BTBD9: variants seen among roughly 807,000 people sequenced by gnomAD.
BTBD9 encodes the protein BTB domain containing 9, also known as BTB/POZ domain-containing protein 9.
Under a neutral mutation model 64.3 loss-of-function variants are expected in BTBD9, and 49 were observed. The ratio of observed to expected loss-of-function variants is 0.76; its 90% CI spans 0.61 to 0.97. The LOEUF (loss-of-function observed/expected upper bound fraction) is 0.97, where lower values mean the gene tolerates loss of function less well. BTBD9 is among the 50% of genes least tolerant of loss of function. The probability of loss-of-function intolerance (pLI) is 0.00; values close to 1 mark genes in which losing one functional copy is unlikely to be tolerated. For synonymous variants in BTBD9, 260 were observed against 274.7 expected, an observed-to-expected ratio of 0.95 and a Z score of 0.53; for missense variants, 598 against 762.1, an observed-to-expected ratio of 0.78 and a Z score of 2.53.
intron 1 of BTBD9, among the ~76,000 whole-genome samples, chr6:38,598,581 A>G (rs1777138138): frequency 6.6e-6 from 1 of 152,180 alleles, no homozygotes; most frequent in African/African-American, 2.4e-5. Context: ...GATTTCAAAT[A>G]AGAAGTTTTG....
At chr6:38,310,882 C>T (rs1330330526) in intron 7 of BTBD9, among the ~76,000 whole-genome samples, 2 of 152,214 alleles carry the variant, frequency 1.3e-5, no homozygotes, top group South Asian at 2.1e-4. Flanking sequence ...GTGATCTTGA[C>T]TCACTGCAAC....
At chr6:38,284,733 G>T (rs1282332264) in intron 8 of BTBD9, among the ~76,000 whole-genome samples, 3 of 152,152 alleles carry the variant, frequency 2.0e-5, no homozygotes, top group African/African-American at 7.2e-5. Flanking sequence ...AAATTTATGG[G>T]ATTACTGAAG....
At chr6:38,313,747 CTTT>C (rs765375990) in intron 7 of BTBD9, among the ~76,000 whole-genome samples, 2 of 128,904 alleles carry the variant, frequency 1.6e-5, no homozygotes, top group South Asian at 2.6e-4. Context: ...GATGAATTAT[CTTT>C]TTTTTTTTTT....
At chr6:38,419,023 C>T (rs1439371936) in intron 6 of BTBD9, among the ~76,000 whole-genome samples, 7 of 152,104 alleles carry the variant, frequency 4.6e-5, no homozygotes, top group Non-Finnish European at 2.9e-5. Flanking sequence ...GCAAGGTATG[C>T]TAAAGATCAC....
intron 9 of BTBD9, among the ~76,000 whole-genome samples, chr6:38,206,578 AAAG>A: frequency 6.6e-6 from 1 of 152,260 alleles, no homozygotes; most frequent in South Asian, 2.1e-4. Context: ...ATAAAAAAAA[AAAG>A]GTGATCATAG....
intron 6 of BTBD9, among the ~76,000 whole-genome samples, chr6:38,421,312 C>T (rs1469016612): frequency 2.6e-5 from 4 of 152,158 alleles, no homozygotes; most frequent in African/African-American, 9.7e-5. Context: ...GCTAATATCG[C>T]ACCACTGCAC....
intron 9 of BTBD9, among the ~76,000 whole-genome samples, chr6:38,205,754 C>T (rs931423949): frequency 3.3e-5 from 5 of 150,940 alleles, no homozygotes; most frequent in African/African-American, 1.2e-4. Context: ...CATGGTGGTG[C>T]GCACCTGTAC....
intron 7 of BTBD9, among the ~76,000 whole-genome samples, chr6:38,301,549 G>A (rs887968447): frequency 1.3e-5 from 2 of 152,138 alleles, no homozygotes; most frequent in African/African-American, 4.8e-5. Flanking sequence ...CCTGTTATTG[G>A]TCTATTCAGA....
intron 6 of BTBD9, among the ~76,000 whole-genome samples, chr6:38,529,019 C>T (rs1355462738): frequency 6.6e-6 from 1 of 152,170 alleles, no homozygotes; most frequent in Non-Finnish European, 1.5e-5. Context: ...TCCTGGGTGG[C>T]AATTCTGGAC....
intron 8 of BTBD9, among the ~76,000 whole-genome samples, chr6:38,279,456 A>G (rs1049723817): frequency 7.9e-6 from 1 of 127,224 alleles, no homozygotes; most frequent in Non-Finnish European, 1.7e-5. Context: ...GCCTTAAATG[A>G]CTGTGACCCT....
chr6:38,272,083 A>G (rs1314389830), intron 8 of BTBD9, among the ~76,000 whole-genome samples: 1 of 152,224 alleles, frequency 6.6e-6, no homozygotes, highest in Non-Finnish European at 1.5e-5. Context: ...CAGGAGCTAC[A>G]TTCTCAAACT....
chr6:38,368,791 T>C (rs573350309), intron 6 of BTBD9, among the ~76,000 whole-genome samples: 1 of 152,312 alleles, frequency 6.6e-6, no homozygotes, highest in South Asian at 2.1e-4. Flanking sequence ...TAAGGGTCCC[T>C]GCTCTGCATG....
At chr6:38,176,469 T>C (rs1232456502) in intron 10 of BTBD9, among the ~76,000 whole-genome samples, 1 of 152,218 alleles carries the variant, frequency 6.6e-6, no homozygotes, top group Non-Finnish European at 1.5e-5. Flanking sequence ...CTGATTTCTC[T>C]CCTTATAGGG....
At chr6:38,259,756 A>G (rs972415671) in intron 8 of BTBD9, among the ~76,000 whole-genome samples, 1 of 152,104 alleles carries the variant, frequency 6.6e-6, no homozygotes, top group South Asian at 2.1e-4. Context: ...ATGCTACCTA[A>G]TATTTTTGAA....
intron 7 of BTBD9, among the ~76,000 whole-genome samples, chr6:38,337,752 GA>G (rs962566086): frequency 3.9e-5 from 6 of 152,164 alleles, no homozygotes; most frequent in South Asian, 2.1e-4. Context: ...TTTGTGCCAG[GA>G]ATCTGTTTTC....
chr6:38,573,896 GGA>G (rs1173149872), intron 6 of BTBD9, among the ~76,000 whole-genome samples: 1 of 152,112 alleles, frequency 6.6e-6, no homozygotes, highest in African/African-American at 2.4e-5. Flanking sequence ...GAAAGGACTG[GGA>G]GAGAGTTTAC....
intron 6 of BTBD9, among the ~76,000 whole-genome samples, chr6:38,460,135 G>A (rs1395632235): frequency 6.6e-6 from 1 of 152,196 alleles, no homozygotes. Context: ...TAAGTTAACA[G>A]ACTTCTCTGT....
At chr6:38,310,079 A>T (rs1762772906) in intron 7 of BTBD9, among the ~76,000 whole-genome samples, 2 of 152,164 alleles carry the variant, frequency 1.3e-5, no homozygotes, top group Admixed American at 1.3e-4. Context: ...GAGGTGTGAG[A>T]AGGAAAGAAT....
chr6:38,406,718 A>T (rs1489906395), intron 6 of BTBD9, among the ~76,000 whole-genome samples: 25 of 152,196 alleles, frequency 1.6e-4, no homozygotes. Context: ...GGAAGGTAGG[A>T]CAAAGTACTT....
Sources: gnomAD v4.1 joint callset for allele counts (sites outside exome capture counted in the v4.1 genomes callset) on GRCh38, gnomAD v4.1.1 for gene constraint, MANE v1.5 for transcripts, NCBI Gene and HGNC (gene_info 2026-07-23, HGNC 2026-07-21) for gene names.